RGL4: variants seen among roughly 807,000 people sequenced by gnomAD.
The protein encoded by RGL4 is ral-GDS-related protein.
Under a neutral mutation model 49.6 loss-of-function variants are expected in RGL4, and 41 were observed. The observed-to-expected ratio is 0.83, with a 90% CI of 0.64 to 1.07. The LOEUF (loss-of-function observed/expected upper bound fraction) is 1.07, where lower values mean the gene tolerates loss of function less well. Ranked by LOEUF, RGL4 falls within the 50% of genes least tolerant of loss-of-function variation. The probability of loss-of-function intolerance (pLI) is 0.00; values close to 1 mark genes in which losing one functional copy is unlikely to be tolerated. For missense variants in RGL4, 610 were observed against 591.9 expected (o/e 1.03, Z -0.32); for synonymous variants, 255 against 238.0 (o/e 1.07, Z -0.66).
In RGL4 at chr22:23,692,011, G is replaced by C. The variant is rs375523453; in HGVS notation, c.-20G>C. On this transcript the variant is annotated 5_prime_UTR_variant, in exon 1 of 11. Transcript: ENST00000290691. ...TTCCCTCCTAACCCCAGGACCAGGGGACCCAGATCTGGAGCTTTGATGAGG... is the reference window on the plus strand; with the variant it reads ...TTCCCTCCTAACCCCAGGACCAGGGCACCCAGATCTGGAGCTTTGATGAGG... The C allele has an allele frequency of 6.8e-6, 11 of 1,610,610 alleles. No individual in the cohort carries two copies. The East Asian group carries it at 1.3e-4, about 20-fold the overall frequency.
At chr22:23,697,931 C>G (rs1923617856) in intron 9 of RGL4, 70 bp downstream of exon 9, 1 of 1,528,864 alleles carries the variant, frequency 6.5e-7, no homozygotes, top group South Asian at 1.2e-5. Context: ...CTGGGCAGGA[C>G]ACTCCCTGGC....
Position 23,692,216 on chromosome 22 carries a change from T to G in RGL4, c.179+7T>G, listed in dbSNP as rs201061325. On this transcript the variant is annotated splice_region_variant and intron_variant, in intron 1 of 10. Transcript: ENST00000290691. Reference sequence around the variant, plus strand: ...ACAGCACTGATGGCTTACGGTAGGGTGGGGCTGTCCTCCACACTGGCAGCA... The same window carrying G: ...ACAGCACTGATGGCTTACGGTAGGGGGGGGCTGTCCTCCACACTGGCAGCA... The G allele has an allele frequency of 1.2e-5, 19 of 1,611,434 alleles. No individual in the cohort carries two copies. Among genetic ancestry groups the G allele is most frequent in the Admixed American group, 1.7e-5 (1 of 59,918 alleles).
chr22:23,694,498 C>A, intron 5 of RGL4, 48 bp downstream of exon 5: 2 of 1,299,556 alleles, frequency 1.5e-6, no homozygotes, highest in Non-Finnish European at 1.1e-6. Flanking sequence ...CCTAGGGACT[C>A]ACAGGTCTCC....
chr22:23,692,071 T>G lies in RGL4; in HGVS notation c.41T>G (p.Leu14Trp). The G allele has an allele frequency of 6.2e-7, 1 of 1,614,070 alleles. No homozygotes were observed. The highest frequency in any genetic ancestry group is 8.5e-7 in the Non-Finnish European group (1 of 1,179,974). The change falls in exon 1 of 11, where the codon TTG (leucine) becomes TGG (tryptophan). Residue 14 changes from leucine to tryptophan, a missense_variant. Coordinates refer to ENST00000290691, the MANE Select transcript of RGL4 (RefSeq NM_153615.2). ...LLTNLPAAAV[L>W]SAQVYSAVLQ... is the part of the protein sequence containing the mutation. ...ACAAATCTGCCTGCAGCTGCAGTCT[T>G]GAGTGCCCAGGTGTACAGTGCTGTG...
In RGL4 at chr22:23,692,782, G is replaced by C. The variant is rs150883887; in HGVS notation, c.487G>C (p.Gly163Arg). The stretch of plus-strand genomic sequence containing the variant: ...GGAGCCAGAGTCACCTGCAGCCCTG[G>C]GTCCACCAGGATATCTACATTCAGC... Reference protein sequence around the residue: ...ALEPESPAALGPPGYLHSAPG... With the variant: ...ALEPESPAALRPPGYLHSAPG... The change falls in exon 3 of 11, where the codon GGT becomes CGT. Residue 163 changes from glycine (G) to arginine (R), a missense_variant. By Grantham distance (125) the Gly-to-Arg change is moderately radical. Coordinates refer to ENST00000290691, the MANE Select transcript of RGL4 (RefSeq NM_153615.2). 75 of 1,613,516 alleles carry C rather than the reference G, an allele frequency of 4.6e-5. 1 individual carries two copies. The African/African-American group carries it at 9.6e-4, about 21-fold the overall frequency.
chr22:23,694,429 A>C lies in RGL4; in HGVS notation c.995A>C (p.Lys332Thr), dbSNP rs1408452499. ...AGCAACCCAATAGGTCAGCTACACA[A>C]GACGTGGGCAGGAGTGTCCAGGTGA... Reference protein sequence around the residue: ...LCSNPIGQLHKTWAGVSSKSM... With the variant: ...LCSNPIGQLHTTWAGVSSKSM... The change falls in exon 5 of 11, where the codon AAG becomes ACG. Residue 332 changes from lysine to threonine, a missense_variant. Physicochemically the swap from Lys to Thr is moderately conservative, Grantham distance 78. Coordinates refer to ENST00000290691, the MANE Select transcript of RGL4 (RefSeq NM_153615.2). The C allele has an allele frequency of 1.9e-6, 3 of 1,613,338 alleles. No homozygotes were observed. The South Asian group carries it at 3.3e-5, about 18-fold the overall frequency.
At chr22:23,694,868 G>A in intron 5 of RGL4, 82 bp from the exon 6 acceptor site, 1 of 1,102,964 alleles carries the variant, frequency 9.1e-7, no homozygotes, top group Non-Finnish European at 1.4e-6. Context: ...GGGATTCACT[G>A]GGTTTTCAAA....
chr22:23,696,715 C>T, intron 7 of RGL4, 27 bp downstream of exon 7: 5 of 1,597,956 alleles, frequency 3.1e-6, no homozygotes, highest in Non-Finnish European at 4.3e-6. Flanking sequence ...CATGGACGGG[C>T]CGCAGGGGAT....
Position 23,691,075 on chromosome 22 carries a change from C to G in RGL4, c.-956C>G, listed in dbSNP as rs1923106549. On this transcript the variant is annotated 5_prime_UTR_variant, in exon 1 of 11. Coordinates refer to ENST00000290691, the MANE Select transcript of RGL4 (RefSeq NM_153615.2). ...GGGAGTAGTGAGAAGACGAACCTCACAGGGTTCTTGTAGGGACTCAATGAT... is the reference window on the plus strand; with the variant it reads ...GGGAGTAGTGAGAAGACGAACCTCAGAGGGTTCTTGTAGGGACTCAATGAT... 1 of 152,208 alleles carries G rather than the reference C, an allele frequency of 6.6e-6. No homozygotes were observed. The highest frequency in any genetic ancestry group is 1.5e-5 in the Non-Finnish European group (1 of 68,056). The allele number at this position is 152,208 out of a possible 1,614,324, so 9.4% of individuals were successfully genotyped here.
In RGL4 at chr22:23,694,382, C is replaced by CATCCCAATAG; in HGVS notation, c.948_949insATCCCAATAG (p.Val317IlefsTer54). ...GCCTCAACAACTTCTCCTCGGTGCA[C>CATCCCAATAG]GTCATCGTCTCTGCTCTGTGCAGCA... On this transcript the variant is annotated frameshift_variant, in exon 5 of 11. Coordinates refer to ENST00000290691, the MANE Select transcript of RGL4 (RefSeq NM_153615.2). LOFTEE classifies it high-confidence loss of function. The CATCCCAATAG allele has an allele frequency of 6.2e-7, 1 of 1,614,010 alleles. No homozygotes were observed. The highest frequency in any genetic ancestry group is 8.5e-7 in the Non-Finnish European group (1 of 1,179,916).
chr22:23,695,159 C>T, intron 6 of RGL4, 140 bp downstream of exon 6: 1 of 625,490 alleles, frequency 1.6e-6, no homozygotes, highest in Non-Finnish European at 2.9e-6. Flanking sequence ...TTGAAAAATT[C>T]CCTCCATGCC....
At chr22:23,698,058 G>T (rs1368560960) in intron 9 of RGL4, 154 bp from the exon 10 acceptor site, 2 of 1,195,470 alleles carry the variant, frequency 1.7e-6, no homozygotes, top group Non-Finnish European at 2.4e-6. Context: ...TGCAGGAGGG[G>T]CTGTTTATAT....
intron 5 of RGL4, 182 bp from the exon 6 acceptor site, chr22:23,694,768 G>A (rs886639983): frequency 1.6e-5 from 10 of 624,838 alleles, no homozygotes; most frequent in African/African-American, 1.5e-4. Context: ...TGGAGATGGG[G>A]CCCAGGGGAG....
intron 6 of RGL4, 72 bp downstream of exon 6, chr22:23,695,091 T>G (rs1923398922): frequency 8.7e-7 from 1 of 1,146,672 alleles, no homozygotes; most frequent in Non-Finnish European, 1.3e-6. Context: ...GGAAGGGCAT[T>G]GGACCAGGTG....
chr22:23,697,879 T>C lies in RGL4; in HGVS notation c.1260+18T>C, dbSNP rs1205042748. ...GGAGCAAGGTGAGCAGCTGGGGCAC[T>C]CACGTTGGATGAGGGTGGGGATGTG... On this transcript the variant is annotated intron_variant, in intron 9 of 10. Transcript: ENST00000290691. 8 of 1,602,512 alleles carry C rather than the reference T, an allele frequency of 5.0e-6. No homozygotes were observed. Among genetic ancestry groups the C allele is most frequent in the Non-Finnish European group, 6.8e-6 (8 of 1,175,546 alleles).
intron 6 of RGL4, chr22:23,695,275 G>GGCTGCTGA (rs1923413879): frequency 4.2e-6 from 2 of 477,928 alleles, no homozygotes; most frequent in Non-Finnish European, 7.8e-6. Context: ...TGGGCTGCTG[G>GGCTGCTGA]GCTGCTGAGC....
chr22:23,695,071 G>A (rs758591816), intron 6 of RGL4, 52 bp downstream of exon 6: 2 of 1,385,560 alleles, frequency 1.4e-6, no homozygotes, highest in African/African-American at 2.8e-5. Flanking sequence ...TCAGAGAAAA[G>A]AGTGAGTTTG....
chr22:23,696,507 T>C, intron 6 of RGL4, 107 bp from the exon 7 acceptor site: 1 of 1,577,288 alleles, frequency 6.3e-7, no homozygotes, highest in Non-Finnish European at 8.6e-7. Flanking sequence ...ATGAGCACGG[T>C]GCCAGGTGGC....
intron 9 of RGL4, 106 bp downstream of exon 9, chr22:23,697,967 T>C (rs1376298218): frequency 7.2e-7 from 1 of 1,384,234 alleles, no homozygotes; most frequent in Non-Finnish European, 1.0e-6. Context: ...TTAGGCTTAC[T>C]GGGAGTGTTT....
Sources: gnomAD v4.1 joint callset for allele counts on GRCh38, gnomAD v4.1.1 for gene constraint, MANE v1.5 for transcripts, NCBI Gene and HGNC (gene_info 2026-07-23, HGNC 2026-07-21) for gene names.